MKLN1: variants seen among roughly 807,000 people sequenced by gnomAD.
MKLN1 encodes the protein muskelin.
A neutral mutation model predicts 99.0 loss-of-function variants in MKLN1; 18 were observed. That is an observed-to-expected ratio of 0.18 (90% CI 0.13 to 0.27). MKLN1 has a LOEUF of 0.27. Ranked by LOEUF, MKLN1 falls within the 10% of genes least tolerant of loss-of-function variation. The pLI is 1.00. For synonymous variants in MKLN1, 288 were observed against 293.2 expected (o/e 0.98, Z 0.18); for missense variants, 621 against 875.9 (o/e 0.71, Z 3.67).
At chr7:131,370,898 G>C (rs1349676243) in intron 1 of MKLN1, among the ~76,000 whole-genome samples, 1 of 152,126 alleles carries the variant, frequency 6.6e-6, no homozygotes, top group Non-Finnish European at 1.5e-5. Flanking sequence ...GTGGGCTCAG[G>C]AGAGTTACTT....
chr7:131,341,108 A>G (rs1799395185), intron 1 of MKLN1, among the ~76,000 whole-genome samples: 1 of 151,888 alleles, frequency 6.6e-6, no homozygotes, highest in Non-Finnish European at 1.5e-5. Context: ...CAGTATTTTG[A>G]TTAATTTTAA....
At position 131,142,865 on chromosome 7, in the gene MKLN1, C is replaced by T. The variant is rs1322315345; in HGVS notation, c.-373C>T. On this transcript the variant is annotated 5_prime_UTR_variant, in exon 2 of 8. Coordinates refer to the MKLN1 transcript ENST00000416992. ...AAACCATGTTTTGGGATCATCCAAA[C>T]ATTCCATCCTCCTGACTCCATAAAC... 7 of 1,286,470 alleles carry T rather than the reference C, an allele frequency of 5.4e-6. No homozygotes were observed. In the Admixed American group the frequency reaches 9.4e-5, roughly 17 times the overall value. 79.7% of individuals were successfully genotyped at this position (1,286,470 alleles called of 1,614,324 possible).
chr7:131,372,918 C>G (rs192124783), intron 1 of MKLN1, among the ~76,000 whole-genome samples: 25 of 151,784 alleles, frequency 1.6e-4, no homozygotes, highest in African/African-American at 5.8e-4. Context: ...TCCCTACCTT[C>G]TTTCTTTTCT....
At chr7:131,274,430 C>T (rs1189266972) in intron 3 of MKLN1, among the ~76,000 whole-genome samples, 1 of 151,730 alleles carries the variant, frequency 6.6e-6, no homozygotes, top group Admixed American at 6.6e-5. Context: ...GTGATCTGAG[C>T]CCAGGAGTTT....
intron 12 of MKLN1, among the ~76,000 whole-genome samples, chr7:131,454,742 G>A (rs1796284974): frequency 6.6e-6 from 1 of 152,190 alleles, no homozygotes; most frequent in African/African-American, 2.4e-5. Context: ...CATAAAGAAA[G>A]TCTACTGGAG....
intron 3 of MKLN1, among the ~76,000 whole-genome samples, chr7:131,278,124 C>A (rs1253678233): frequency 6.6e-6 from 1 of 152,018 alleles, no homozygotes; most frequent in Non-Finnish European, 1.5e-5. Flanking sequence ...CTCACTGCAA[C>A]CTCTGCCTCC....
At chr7:131,310,670 C>T (rs1330798504) in intron 3 of MKLN1, 1 of 152,176 alleles carries the variant, frequency 6.6e-6, no homozygotes, top group Non-Finnish European at 1.5e-5. Context: ...TTCTAATTGC[C>T]TCTATAGAGT....
intron 3 of MKLN1, among the ~76,000 whole-genome samples, chr7:131,208,907 A>G (rs1472172022): frequency 2.6e-5 from 4 of 152,232 alleles, no homozygotes; most frequent in African/African-American, 7.2e-5. Context: ...AGACAGTGAT[A>G]GCAATGCAGA....
At chr7:131,322,557 CTTTTTTT>C (rs574246814) in intron 3 of MKLN1, among the ~76,000 whole-genome samples, 1 of 95,096 alleles carries the variant, frequency 1.1e-5, no homozygotes, top group African/African-American at 3.6e-5. Flanking sequence ...CTGCCAAACA[CTTTTTTT>C]TTTTTTTTTT....
intron 1 of MKLN1, among the ~76,000 whole-genome samples, chr7:131,334,365 A>G (rs1219005796): frequency 6.6e-6 from 1 of 152,186 alleles, no homozygotes; most frequent in Non-Finnish European, 1.5e-5. Context: ...CTTACTGGCC[A>G]CTGAAAGTTC....
At chr7:131,275,212 C>T (rs1797941865) in intron 3 of MKLN1, among the ~76,000 whole-genome samples, 1 of 151,946 alleles carries the variant, frequency 6.6e-6, no homozygotes, top group African/African-American at 2.4e-5. Flanking sequence ...TCAATTCTTG[C>T]TGTATCCTTG....
intron 1 of MKLN1, among the ~76,000 whole-genome samples, chr7:131,352,743 A>G (rs1428462229): frequency 6.6e-6 from 1 of 152,180 alleles, no homozygotes; most frequent in Non-Finnish European, 1.5e-5. Context: ...GTCAGTTGGA[A>G]TAATTCTTTT....
At chr7:131,187,961 AAAG>A (rs1007864206) in intron 2 of MKLN1, among the ~76,000 whole-genome samples, 5 of 152,160 alleles carry the variant, frequency 3.3e-5, no homozygotes, top group African/African-American at 1.2e-4. Flanking sequence ...GTCTCAAAAA[AAAG>A]AAAAAGAAAG....
chr7:131,289,487 C>T (rs537009167), intron 3 of MKLN1, among the ~76,000 whole-genome samples: 130 of 152,212 alleles, frequency 8.5e-4, no homozygotes, highest in African/African-American at 2.8e-3. Context: ...CAACCCCAAC[C>T]GCAAATCCTT....
intron 2 of MKLN1, among the ~76,000 whole-genome samples, chr7:131,157,848 A>G (rs1387201885): frequency 6.6e-6 from 1 of 152,180 alleles, no homozygotes; most frequent in Non-Finnish European, 1.5e-5. Flanking sequence ...GGATACATTT[A>G]CAAAACAGTT....
intron 2 of MKLN1, among the ~76,000 whole-genome samples, chr7:131,386,728 GGTT>G: frequency 6.6e-6 from 1 of 152,158 alleles, no homozygotes; most frequent in East Asian, 1.9e-4. Flanking sequence ...TTCAAACATT[GGTT>G]TAGTTATTGA....
chr7:131,277,940 T>C (rs1797997900), intron 3 of MKLN1, among the ~76,000 whole-genome samples: 1 of 152,216 alleles, frequency 6.6e-6, no homozygotes, highest in Non-Finnish European at 1.5e-5. Context: ...TGGATTATGA[T>C]CAATAGATGT....
intron 3 of MKLN1, among the ~76,000 whole-genome samples, chr7:131,230,360 G>A (rs890211116): frequency 6.6e-6 from 1 of 152,158 alleles, no homozygotes; most frequent in Non-Finnish European, 1.5e-5. Context: ...TGTTTAGTTG[G>A]AGGGCTTAGT....
At chr7:131,450,020 C>T (rs1043368653) in intron 12 of MKLN1, among the ~76,000 whole-genome samples, 8 of 152,174 alleles carry the variant, frequency 5.3e-5, no homozygotes, top group Admixed American at 4.6e-4. Flanking sequence ...CTGCTACCCT[C>T]AGGTTCACTA....
Sources: gnomAD v4.1 joint callset for allele counts (sites outside exome capture counted in the v4.1 genomes callset) on GRCh38, gnomAD v4.1.1 for gene constraint, MANE v1.5 for transcripts, NCBI Gene and HGNC (gene_info 2026-07-23, HGNC 2026-07-21) for gene names.